TRIM49C: variants seen among roughly 807,000 people sequenced by gnomAD.
TRIM49C encodes tripartite motif-containing protein 49C.
In TRIM49C, 6 loss-of-function variants were observed where a neutral mutation model predicts 21.4. The observed-to-expected ratio is 0.28, with a 90% confidence interval of 0.15 to 0.55. The LOEUF is 0.55. Ranked by LOEUF, TRIM49C falls within the 20% of genes least tolerant of loss-of-function variation. TRIM49C has a pLI of 0.94. For missense variants in TRIM49C, 161 were observed against 442.4 expected (o/e 0.36, Z 5.71); for synonymous variants, 57 against 148.1 (o/e 0.38, Z 4.47).
chr11:90,043,302 G>A (rs887919927), downstream of TRIM49C, among the ~76,000 whole-genome samples: 2 of 136,366 alleles, frequency 1.5e-5, no homozygotes, highest in African/African-American at 5.4e-5. Context: ...GATGGCACAT[G>A]CTATAGTCCC....
At chr11:90,043,695 G>A (rs1950785490), downstream of TRIM49C, among the ~76,000 whole-genome samples, 1 of 121,818 alleles carries the variant, frequency 8.2e-6, no homozygotes, top group Non-Finnish European at 1.7e-5. Context: ...TGGATATCTA[G>A]GTAAGCAGTA....
At chr11:90,069,607 G>T in the TRIM49C span, among the ~76,000 whole-genome samples, 966 of 125,404 alleles carry the variant, frequency 7.7e-3, 173 homozygotes, top group East Asian at 0.089. Context: ...CACCATATTT[G>T]CCCCCATTGT....
At chr11:90,057,775 G>T in the TRIM49C span, 1 of 1,114,446 alleles carries the variant, frequency 9.0e-7, no homozygotes, top group Non-Finnish European at 1.2e-6. Context: ...ATTAAAGGTG[G>T]AGAGTTGGTG....
the TRIM49C span, among the ~76,000 whole-genome samples, chr11:90,049,736 C>G: frequency 8.8e-6 from 1 of 113,352 alleles, no homozygotes; most frequent in Non-Finnish European, 1.7e-5. Flanking sequence ...CCTCCTTCAG[C>G]TCATGCTAGG....
the TRIM49C span, among the ~76,000 whole-genome samples, chr11:90,070,467 C>T: frequency 2.2e-5 from 3 of 134,454 alleles, 1 homozygote; most frequent in Admixed American, 2.6e-4. Flanking sequence ...CTTGTCTGCA[C>T]GAGGTCTGAG....
At chr11:90,054,459 C>G in the TRIM49C span, among the ~76,000 whole-genome samples, 3 of 137,622 alleles carry the variant, frequency 2.2e-5, 1 homozygote, top group South Asian at 7.4e-4. Context: ...GAGTCTCACT[C>G]AGTCTGTCAC....
At chr11:90,036,960 A>G (rs1245874183) in intron 4 of TRIM49C, among the ~76,000 whole-genome samples, 4 of 134,874 alleles carry the variant, frequency 3.0e-5, no homozygotes, top group Non-Finnish European at 6.4e-5. Flanking sequence ...TCACTGAAAA[A>G]TTCAAATTGA....
chr11:90,064,245 AT>A, the TRIM49C span, among the ~76,000 whole-genome samples: 1 of 150,720 alleles, frequency 6.6e-6, no homozygotes. Context: ...AATGTAATTA[AT>A]ATCTATTATT....
the TRIM49C span, among the ~76,000 whole-genome samples, chr11:90,060,495 G>T: frequency 6.6e-6 from 1 of 152,020 alleles, no homozygotes; most frequent in Non-Finnish European, 1.5e-5. Flanking sequence ...AGAAGATGGA[G>T]TAAAGCAAAG....
At chr11:90,066,370 G>C in the TRIM49C span, among the ~76,000 whole-genome samples, 1 of 137,024 alleles carries the variant, frequency 7.3e-6, no homozygotes, top group African/African-American at 2.6e-5. Flanking sequence ...AATTATAGTT[G>C]CTTATGTGCC....
At chr11:90,045,241 A>T (rs1950794056), downstream of TRIM49C, among the ~76,000 whole-genome samples, 1 of 123,324 alleles carries the variant, frequency 8.1e-6, no homozygotes, top group East Asian at 2.6e-4. Flanking sequence ...TTGGCTTAGG[A>T]TTGACTTGGC....
the TRIM49C span, among the ~76,000 whole-genome samples, chr11:90,055,945 T>A: frequency 1.5e-5 from 2 of 131,624 alleles, 1 homozygote; most frequent in Non-Finnish European, 3.2e-5. Flanking sequence ...CCATTCTCTG[T>A]CATCTGGATT....
chr11:90,053,088 G>A, the TRIM49C span, among the ~76,000 whole-genome samples: 1 of 139,568 alleles, frequency 7.2e-6, no homozygotes, highest in Non-Finnish European at 1.6e-5. Flanking sequence ...CAGGAAACCT[G>A]TTCTTCTGCT....
chr11:90,053,841 C>T, the TRIM49C span: 2 of 136,000 alleles, frequency 1.5e-5, no homozygotes, highest in African/African-American at 5.2e-5. Context: ...TAGCTCCCGC[C>T]CCAAGCCCGG....
At position 90,041,408 on chromosome 11, in the gene TRIM49C, C is replaced by T; in HGVS notation, c.1217C>T (p.Thr406Ile). 1 of 1,580,834 alleles carries T rather than the reference C, an allele frequency of 6.3e-7. No homozygotes were observed. Among genetic ancestry groups the T allele is most frequent in the Non-Finnish European group, 8.6e-7 (1 of 1,160,584 alleles). ...PLMLQYIPKP[T>I]SRVGLFLDCE... The stretch of plus-strand genomic sequence containing the variant: ...ATGCTGCAATATATCCCAAAACCTA[C>T]CAGCCGAGTAGGATTATTCCTGGAT... The change falls in exon 8 of 8, where the codon ACC becomes ATC. Residue 406 changes from threonine (T) to isoleucine (I), a missense_variant. Physicochemically the swap from Thr to Ile is moderately conservative, Grantham distance 89. Coordinates refer to ENST00000448984, the MANE Select transcript of TRIM49C (RefSeq NM_001195234.1).
At chr11:90,062,979 G>A in the TRIM49C span, 961 of 1,324,958 alleles carry the variant, frequency 7.3e-4, 90 homozygotes, top group Non-Finnish European at 8.0e-4. Flanking sequence ...TGGAAGACTC[G>A]CAGGGCATCA....
the TRIM49C span, chr11:90,052,970 T>A: frequency 2.1e-5 from 3 of 140,846 alleles, no homozygotes; most frequent in African/African-American, 7.6e-5. Context: ...GGGACTCTGC[T>A]GGTCTTCAAT....
chr11:90,053,783 T>G, the TRIM49C span: 1 of 140,864 alleles, frequency 7.1e-6, no homozygotes, highest in Non-Finnish European at 1.6e-5. Context: ...GAAAGCCTAG[T>G]GCCCGCCAAG....
intron 6 of TRIM49C, among the ~76,000 whole-genome samples, chr11:90,039,350 A>G (rs1950752787): frequency 7.7e-6 from 1 of 129,674 alleles, no homozygotes; most frequent in African/African-American, 2.9e-5. Context: ...AAAAGTGTTG[A>G]TGTTTTGTTT....
Sources: allele counts gnomAD v4.1 joint callset (sites outside exome capture counted in the v4.1 genomes callset), GRCh38; gene constraint gnomAD v4.1.1; transcripts MANE v1.5; gene names NCBI Gene and HGNC (gene_info 2026-07-23, HGNC 2026-07-21).